The following SLC25A30 variants were observed in gnomAD, a reference collection of about 807,000 sequenced individuals.
SLC25A30 encodes the protein kidney mitochondrial carrier protein 1.
SLC25A30 carries 29 observed loss-of-function variants against 42.7 expected under a neutral mutation model. That is an observed-to-expected ratio of 0.68 (90% CI 0.51 to 0.93). SLC25A30 has a LOEUF of 0.93. SLC25A30 is among the 40% of genes least tolerant of loss of function. SLC25A30 has a pLI of 0.00. For synonymous variants in SLC25A30, 124 were observed against 131.0 expected (o/e 0.95, Z 0.37); for missense variants, 300 against 359.7 (o/e 0.83, Z 1.34).
the SLC25A30 span, among the ~76,000 whole-genome samples, chr13:45,424,133 A>G: frequency 1.3e-4 from 13 of 99,356 alleles, no homozygotes; most frequent in African/African-American, 5.3e-4. Flanking sequence ...ATAAATATAT[A>G]AATATATAAA....
chr13:45,401,886 C>G (rs1276437053), intron 6 of SLC25A30, among the ~76,000 whole-genome samples: 8 of 151,762 alleles, frequency 5.3e-5, no homozygotes, highest in Non-Finnish European at 1.0e-4. Flanking sequence ...ATGGTGAAAC[C>G]CCATCTCTAC....
At chr13:45,401,404 G>A (rs1881969701) in intron 6 of SLC25A30, among the ~76,000 whole-genome samples, 197 bp from the exon 7 acceptor site, 1 of 152,186 alleles carries the variant, frequency 6.6e-6, no homozygotes, top group Admixed American at 6.5e-5. Flanking sequence ...TTCTGATGCT[G>A]GCATTAACTA....
At chr13:45,424,928 A>G in the SLC25A30 span, among the ~76,000 whole-genome samples, 11 of 70,580 alleles carry the variant, frequency 1.6e-4, 1 homozygote, top group South Asian at 4.6e-3. Flanking sequence ...ATATATAAAT[A>G]TATAAATATT....
At chr13:45,417,139 G>A (rs1243219671) in intron 1 of SLC25A30, among the ~76,000 whole-genome samples, 2 of 152,090 alleles carry the variant, frequency 1.3e-5, no homozygotes, top group South Asian at 2.1e-4. Context: ...TCAACCTCCC[G>A]AGTAGCTAGA....
intron 5 of SLC25A30, chr13:45,402,880 C>T: frequency 1.3e-6 from 1 of 757,292 alleles, no homozygotes; most frequent in Non-Finnish European, 1.6e-6. Flanking sequence ...CACATGATAC[C>T]TGTTACACTC....
At chr13:45,399,491 G>A (rs772540148) in intron 7 of SLC25A30, among the ~76,000 whole-genome samples, 9 of 152,122 alleles carry the variant, frequency 5.9e-5, no homozygotes, top group Admixed American at 1.3e-4. Flanking sequence ...TTACAGGCAT[G>A]AGCCACCATG....
upstream of SLC25A30, among the ~76,000 whole-genome samples, chr13:45,421,235 C>T (rs139309269): frequency 4.0e-3 from 610 of 151,950 alleles, 6 homozygotes; most frequent in African/African-American, 0.014. Flanking sequence ...AAAAATTAGC[C>T]GGGCATGGTG....
chr13:45,425,072 AT>A, the SLC25A30 span, among the ~76,000 whole-genome samples: 2 of 66,864 alleles, frequency 3.0e-5, no homozygotes, highest in East Asian at 3.5e-4. Flanking sequence ...GTATATATAC[AT>A]ATATATAAAT....
At chr13:45,424,061 A>C in the SLC25A30 span, among the ~76,000 whole-genome samples, 16 of 104,030 alleles carry the variant, frequency 1.5e-4, no homozygotes, top group South Asian at 1.9e-3. Context: ...ATCTATAAAA[A>C]TATATATATT....
At chr13:45,423,510 TTA>T in the SLC25A30 span, among the ~76,000 whole-genome samples, 1 of 129,596 alleles carries the variant, frequency 7.7e-6, no homozygotes, top group Admixed American at 9.8e-5. Flanking sequence ...TAAGAATAGT[TTA>T]TATATATATA....
chr13:45,406,050 A>G, intron 3 of SLC25A30, 73 bp from the exon 4 acceptor site: 1 of 1,354,834 alleles, frequency 7.4e-7, no homozygotes, highest in Non-Finnish European at 1.1e-6. Context: ...ACCCACATGC[A>G]GAGTGCCATC....
chr13:45,409,340 A>C (rs1882800971), intron 2 of SLC25A30, among the ~76,000 whole-genome samples: 2 of 152,172 alleles, frequency 1.3e-5, no homozygotes, highest in African/African-American at 4.8e-5. Context: ...GGTAGGCTGC[A>C]TTGTTGTAGA....
chr13:45,425,047 T>TAC, the SLC25A30 span, among the ~76,000 whole-genome samples: 1 of 94,804 alleles, frequency 1.1e-5, no homozygotes, highest in Non-Finnish European at 1.8e-5. Context: ...TATATATAAA[T>TAC]ATATAAATAT....
chr13:45,425,358 G>C, the SLC25A30 span, among the ~76,000 whole-genome samples: 1 of 106,514 alleles, frequency 9.4e-6, no homozygotes, highest in Non-Finnish European at 1.7e-5. Flanking sequence ...CTATATGTAA[G>C]TATATGTATA....
rs1481216326 is a variant in SLC25A30 at position 45,394,094 on chromosome 13, G to C, written c.*1880C>G. The C allele has an allele frequency of 1.0e-6, 1 of 985,244 alleles. No individual in the cohort carries two copies. The highest frequency in any genetic ancestry group is 1.2e-6 in the Non-Finnish European group (1 of 829,924). The allele number at this position is 985,244 out of a possible 1,614,324, so 61.0% of individuals were successfully genotyped here. On this transcript the variant is annotated 3_prime_UTR_variant, in exon 10 of 10. Coordinates refer to ENST00000519676, the MANE Select transcript of SLC25A30 (RefSeq NM_001010875.4). ...TTTATAAAATCAATGGAATGTTTTGGAAAGAAGAAAAAATCCTAAGGTGTA... is the reference window on the plus strand; with the variant it reads ...TTTATAAAATCAATGGAATGTTTTGCAAAGAAGAAAAAATCCTAAGGTGTA...
rs180801883 is a variant in SLC25A30 at position 45,397,087 on chromosome 13, C to T, written c.834+171G>A. 3.4e-4 allele frequency: 207 copies of T among 600,120 alleles called. 1 individual carries two copies. In the African/African-American group the frequency reaches 3.5e-3, roughly 10 times the overall value. The allele number at this position is 600,120 out of a possible 1,614,324, so 37.2% of individuals were successfully genotyped here. ...TCAAAGCAAGATTCAGTGTCTAGCA[C>T]GGAGACTTTACACTTCCTAAAAAAG... On this transcript the variant is annotated intron_variant, in intron 9 of 9. Coordinates refer to ENST00000519676, the MANE Select transcript of SLC25A30 (RefSeq NM_001010875.4).
In SLC25A30 at chr13:45,398,928, A is replaced by G. The variant is rs1450891542; in HGVS notation, c.753+12T>C. 2 of 1,612,146 alleles carry G rather than the reference A, an allele frequency of 1.2e-6. No homozygotes were observed. The highest frequency in any genetic ancestry group is 2.7e-5 in the African/African-American group (2 of 74,782). ...AATTCACAACCCTGCAGAGACAGAC[A>G]TCTGCTCTTACCTGTAACAAGCAAT... On this transcript the variant is annotated intron_variant, in intron 8 of 9. Transcript: ENST00000519676.
chr13:45,417,987 C>A (rs1293683012), intron 1 of SLC25A30, among the ~76,000 whole-genome samples: 3 of 152,180 alleles, frequency 2.0e-5, no homozygotes, highest in Non-Finnish European at 4.4e-5. Context: ...GATGCCAGGA[C>A]GGGCTTCGCA....
rs1258553542 is a variant in SLC25A30 at position 45,393,736 on chromosome 13, AAGC to A, written c.*2235_*2237del. The A allele has an allele frequency of 1.0e-6, 1 of 985,314 alleles. No homozygotes were observed. The highest frequency in any genetic ancestry group is 6.1e-5 in the Admixed American group (1 of 16,264). The allele number at this position is 985,314 out of a possible 1,614,324, so 61.0% of individuals were successfully genotyped here. ...ATTAACTCTTTCAAAAAAACAGAAA[AAGC>A]AGGTTAAGATCCTGTTCAATAAGGC... On this transcript the variant is annotated 3_prime_UTR_variant, in exon 10 of 10. Coordinates refer to ENST00000519676, the MANE Select transcript of SLC25A30 (RefSeq NM_001010875.4).
Sources: allele counts gnomAD v4.1 joint callset (sites outside exome capture counted in the v4.1 genomes callset), GRCh38; gene constraint gnomAD v4.1.1; transcripts MANE v1.5; gene names NCBI Gene and HGNC (gene_info 2026-07-23, HGNC 2026-07-21).